Variants in OTUD7A observed in about 807,000 individuals in gnomAD.
OTUD7A encodes the protein OTU deubiquitinase 7A.
OTUD7A carries 12 observed loss-of-function variants against 65.7 expected under a neutral mutation model. The observed-to-expected ratio is 0.18, with a 90% confidence interval of 0.12 to 0.30. The LOEUF is 0.30. Ranked by LOEUF, OTUD7A falls within the 10% of genes least tolerant of loss-of-function variation. The pLI is 1.00. For missense variants in OTUD7A, 1,148 were observed against 1,304.8 expected, an observed-to-expected ratio of 0.88 and a Z score of 1.85; for synonymous variants, 641 against 586.3, an observed-to-expected ratio of 1.09 and a Z score of -1.35.
At chr15:31,745,419 C>T (rs1404983735) in intron 1 of OTUD7A, among the ~76,000 whole-genome samples, 2 of 152,078 alleles carry the variant, frequency 1.3e-5, no homozygotes, top group Non-Finnish European at 2.9e-5. Flanking sequence ...AAACCCACAA[C>T]CATGACAAGG....
intron 1 of OTUD7A, among the ~76,000 whole-genome samples, chr15:31,713,746 G>C (rs1181311125): frequency 6.6e-6 from 1 of 151,376 alleles, no homozygotes; most frequent in African/African-American, 2.4e-5. Context: ...GCAATCCATA[G>C]ACTCAGTAAA....
At chr15:31,771,640 T>C (rs1895237183) in intron 1 of OTUD7A, among the ~76,000 whole-genome samples, 3 of 152,286 alleles carry the variant, frequency 2.0e-5, no homozygotes, top group South Asian at 4.1e-4. Context: ...AATGGTTAAC[T>C]AGAACCTTAT....
At chr15:31,501,544 T>A in intron 10 of OTUD7A, 146 bp downstream of exon 10, 1 of 974,144 alleles carries the variant, frequency 1.0e-6, no homozygotes, top group Non-Finnish European at 1.5e-6. Flanking sequence ...GGTAGCTTTA[T>A]GCAAAAACTG....
intron 1 of OTUD7A, among the ~76,000 whole-genome samples, chr15:31,703,837 C>T (rs1893268536): frequency 6.6e-6 from 1 of 151,050 alleles, no homozygotes; most frequent in Non-Finnish European, 1.5e-5. Flanking sequence ...GAGTGAATGA[C>T]TAAACAAACT....
chr15:31,572,463 A>C (rs1223947973), intron 3 of OTUD7A, among the ~76,000 whole-genome samples: 1 of 152,230 alleles, frequency 6.6e-6, no homozygotes, highest in Non-Finnish European at 1.5e-5. Context: ...TAGTAGACAC[A>C]GATTTCATGG....
intron 1 of OTUD7A, among the ~76,000 whole-genome samples, chr15:31,693,777 C>T (rs551505439): frequency 8.5e-5 from 13 of 152,056 alleles, no homozygotes; most frequent in African/African-American, 2.4e-4. Context: ...CCAGCACACA[C>T]GGGAAACCCA....
intron 4 of OTUD7A, among the ~76,000 whole-genome samples, chr15:31,564,742 CTTGGA>C (rs769708800): frequency 2.5e-4 from 38 of 151,908 alleles, no homozygotes; most frequent in Non-Finnish European, 4.9e-4. Flanking sequence ...GACAGAGATT[CTTGGA>C]TTGGATAATA....
chr15:31,858,583 C>T (rs971645209), intron 1 of OTUD7A, among the ~76,000 whole-genome samples: 1 of 152,120 alleles, frequency 6.6e-6, no homozygotes, highest in East Asian at 1.9e-4. Context: ...TTTGCTCTCA[C>T]GGATGTACAA....
At position 31,668,909 on chromosome 15, in the gene OTUD7A, C is replaced by G. The variant is rs2338904; in HGVS notation, c.-99-11832G>C. On this transcript the variant is annotated intron_variant, in intron 1 of 12. Transcript: ENST00000307050. ...CTTCCTGCCAGCCAAACTGCAGCGACTGCTGTCTCTCTTCTGGGTCTAGCC... is the reference window on the plus strand; with the variant it reads ...CTTCCTGCCAGCCAAACTGCAGCGAGTGCTGTCTCTCTTCTGGGTCTAGCC... Among the ~76,000 whole-genome samples, 1,015 of 152,312 alleles carry G rather than the reference C, an allele frequency of 6.7e-3. 10 individuals carry two copies. The highest frequency in any genetic ancestry group is 6.4e-3 in the Non-Finnish European group (438 of 68,024).
At chr15:31,654,980 C>T in intron 3 of OTUD7A, 116 bp downstream of exon 3, 1 of 1,309,296 alleles carries the variant, frequency 7.6e-7, no homozygotes, top group Non-Finnish European at 1.0e-6. Context: ...AGATGTAACA[C>T]AAAGCAAAGC....
At chr15:31,525,346 C>G (rs1021553697) in intron 8 of OTUD7A, among the ~76,000 whole-genome samples, 1 of 152,252 alleles carries the variant, frequency 6.6e-6, no homozygotes, top group Non-Finnish European at 1.5e-5. Flanking sequence ...AACACAGTGA[C>G]AAGACAGCCC....
chr15:31,686,279 G>C (rs1892834581), intron 1 of OTUD7A, among the ~76,000 whole-genome samples: 1 of 152,236 alleles, frequency 6.6e-6, no homozygotes, highest in Non-Finnish European at 1.5e-5. Context: ...GCTTTGCCTT[G>C]GCTTCCAGCC....
At chr15:31,696,648 G>A (rs1289129976) in intron 1 of OTUD7A, among the ~76,000 whole-genome samples, 2 of 150,176 alleles carry the variant, frequency 1.3e-5, no homozygotes, top group African/African-American at 2.5e-5. Context: ...AGAGGCACGC[G>A]TCCTGGTGAG....
At chr15:31,497,302 T>G (rs573008934) in intron 10 of OTUD7A, among the ~76,000 whole-genome samples, 1 of 152,030 alleles carries the variant, frequency 6.6e-6, no homozygotes, top group East Asian at 1.9e-4. Context: ...CAGGTTGGAG[T>G]GCAGTGACGC....
chr15:31,622,814 C>T (rs12916695), intron 3 of OTUD7A, among the ~76,000 whole-genome samples: 43,651 of 152,096 alleles, frequency 0.29, 7,405 homozygotes, highest in African/African-American at 0.47. Flanking sequence ...TGAGGAGCTT[C>T]GTTCCTTTGG....
At chr15:31,729,238 G>C (rs567216001) in intron 1 of OTUD7A, among the ~76,000 whole-genome samples, 1 of 152,206 alleles carries the variant, frequency 6.6e-6, no homozygotes, top group East Asian at 1.9e-4. Context: ...TATTCTCCAC[G>C]TATGGGGGTG....
chr15:31,505,514 TGAAGA>T (rs2041546279), intron 8 of OTUD7A, among the ~76,000 whole-genome samples: 1 of 152,150 alleles, frequency 6.6e-6, no homozygotes, highest in South Asian at 2.1e-4. Flanking sequence ...GGAAAGGCTT[TGAAGA>T]GAAAACTCTA....
intron 3 of OTUD7A, among the ~76,000 whole-genome samples, chr15:31,634,165 C>T (rs978533940): frequency 2.0e-5 from 3 of 152,154 alleles, no homozygotes; most frequent in African/African-American, 7.2e-5. Flanking sequence ...TAAAGAAGTA[C>T]CCCGTGAAGG....
At chr15:31,635,730 G>C (rs1891320573) in intron 3 of OTUD7A, among the ~76,000 whole-genome samples, 1 of 152,224 alleles carries the variant, frequency 6.6e-6, no homozygotes, top group South Asian at 2.1e-4. Context: ...AATGTGACAT[G>C]TGAAACCCAC....
Sources: allele counts gnomAD v4.1 joint callset (sites outside exome capture counted in the v4.1 genomes callset), GRCh38; gene constraint gnomAD v4.1.1; transcripts MANE v1.5; gene names NCBI Gene and HGNC (gene_info 2026-07-23, HGNC 2026-07-21).